NAALADL2: variants seen among roughly 807,000 people sequenced by gnomAD.
NAALADL2 encodes inactive N-acetylated-alpha-linked acidic dipeptidase-like protein 2.
A neutral mutation model predicts 87.2 loss-of-function variants in NAALADL2; 76 were observed. The ratio of observed to expected loss-of-function variants is 0.87; its 90% confidence interval spans 0.72 to 1.05. The LOEUF is 1.05. Among genes scored for constraint, NAALADL2 ranks in the 50% least tolerant of loss-of-function variants. The pLI, the probability that NAALADL2 is intolerant of heterozygous loss-of-function variation, is 0.00. For synonymous variants in NAALADL2, 354 were observed against 331.0 expected, an observed-to-expected ratio of 1.07 and a Z score of -0.75; for missense variants, 1,089 against 945.8, an observed-to-expected ratio of 1.15 and a Z score of -1.99.
Position 174,865,274 on chromosome 3 carries a change from G to T in NAALADL2, c.43+5824G>T, listed in dbSNP as rs138550535. 3.0e-3 allele frequency among the ~76,000 whole-genome samples: 457 copies of T among 152,140 alleles called. 3 individuals are homozygous for T. The highest frequency in any genetic ancestry group is 0.011 in the African/African-American group (438 of 41,552). On this transcript the variant is annotated intron_variant, in intron 1 of 13. Transcript: ENST00000454872. The stretch of plus-strand genomic sequence containing the variant: ...TGAAAAGTCAACTGCTAAATTTAAT[G>T]CAGTTTATAATGAACATGCAAAAGG...
At chr3:175,223,301 C>G (rs1242756120) in intron 2 of NAALADL2, among the ~76,000 whole-genome samples, 1 of 151,822 alleles carries the variant, frequency 6.6e-6, no homozygotes, top group Admixed American at 6.6e-5. Flanking sequence ...CCCCTACCTC[C>G]CGGCAACCAC....
chr3:174,604,441 G>T (rs1718775795), intron 2 of NAALADL2, among the ~76,000 whole-genome samples: 1 of 151,872 alleles, frequency 6.6e-6, no homozygotes, highest in South Asian at 2.1e-4. Flanking sequence ...TCTATTTTCA[G>T]TCTATATGTG....
chr3:174,867,171 A>G (rs1037417942), intron 1 of NAALADL2, among the ~76,000 whole-genome samples: 20 of 151,926 alleles, frequency 1.3e-4, no homozygotes, highest in African/African-American at 4.6e-4. Flanking sequence ...AAAAAGGGGA[A>G]AGAACTAGTA....
intron 13 of NAALADL2, among the ~76,000 whole-genome samples, chr3:175,775,343 C>T (rs1750082686): frequency 6.6e-6 from 1 of 151,972 alleles, no homozygotes; most frequent in Non-Finnish European, 1.5e-5. Context: ...GGAATATTTT[C>T]TTTATCCTTG....
chr3:175,757,935 T>A, intron 13 of NAALADL2, among the ~76,000 whole-genome samples: 1 of 152,194 alleles, frequency 6.6e-6, no homozygotes, highest in Middle Eastern at 3.4e-3. Flanking sequence ...ATTCAGAAAT[T>A]AATACAAATT....
At chr3:174,493,432 T>A (rs1718326936) in intron 1 of NAALADL2, among the ~76,000 whole-genome samples, 1 of 152,226 alleles carries the variant, frequency 6.6e-6, no homozygotes, top group Non-Finnish European at 1.5e-5. Context: ...TAAATGCTCA[T>A]GTTATTTCTG....
chr3:175,052,386 G>T (rs1274725776), intron 1 of NAALADL2, among the ~76,000 whole-genome samples: 1 of 152,094 alleles, frequency 6.6e-6, no homozygotes, highest in Admixed American at 6.6e-5. Context: ...TTTGTGGGGG[G>T]GCCTGTTTCC....
intron 1 of NAALADL2, among the ~76,000 whole-genome samples, chr3:175,030,957 C>G (rs905980920): frequency 5.9e-5 from 9 of 151,732 alleles, no homozygotes; most frequent in Admixed American, 4.6e-4. Context: ...AACCCTGCAC[C>G]CTGCAAGCCA....
chr3:175,723,565 G>A (rs866164841), intron 11 of NAALADL2, among the ~76,000 whole-genome samples: 1 of 152,000 alleles, frequency 6.6e-6, no homozygotes, highest in Admixed American at 6.6e-5. Flanking sequence ...CTTGACTTTG[G>A]CATATTATGT....
At chr3:175,166,166 A>G (rs1393419817) in intron 2 of NAALADL2, among the ~76,000 whole-genome samples, 1 of 151,968 alleles carries the variant, frequency 6.6e-6, no homozygotes, top group African/African-American at 2.4e-5. Context: ...CTTCAGAATC[A>G]TGCCTTAGAA....
At chr3:174,803,413 C>T (rs1280178701) in intron 3 of NAALADL2, among the ~76,000 whole-genome samples, 1 of 152,106 alleles carries the variant, frequency 6.6e-6, no homozygotes, top group Non-Finnish European at 1.5e-5. Context: ...GATTTTCTCC[C>T]ATTCTGTAGG....
At chr3:175,410,956 T>C (rs1289416803) in intron 5 of NAALADL2, among the ~76,000 whole-genome samples, 6 of 152,174 alleles carry the variant, frequency 3.9e-5, no homozygotes, top group Admixed American at 3.9e-4. Context: ...TAAGAAGCCA[T>C]TGAAATGTTA....
chr3:174,740,165 C>A (rs1009880186), intron 3 of NAALADL2, among the ~76,000 whole-genome samples: 3 of 151,806 alleles, frequency 2.0e-5, no homozygotes, highest in African/African-American at 4.8e-5. Flanking sequence ...AGCAACAAAC[C>A]TAATTTTTTA....
At chr3:175,573,932 C>G (rs1718479214) in intron 9 of NAALADL2, among the ~76,000 whole-genome samples, 1 of 152,122 alleles carries the variant, frequency 6.6e-6, no homozygotes, top group East Asian at 1.9e-4. Context: ...TAGTTGTAAA[C>G]ACATTAAGCA....
intron 3 of NAALADL2, among the ~76,000 whole-genome samples, chr3:174,744,003 G>A (rs1169268463): frequency 6.6e-6 from 1 of 151,976 alleles, no homozygotes; most frequent in East Asian, 1.9e-4. Context: ...TCTTTGGTCA[G>A]AAGTTTATAC....
At chr3:175,003,663 C>CA (rs2108772122) in intron 1 of NAALADL2, among the ~76,000 whole-genome samples, 1 of 152,256 alleles carries the variant, frequency 6.6e-6, no homozygotes, top group African/African-American at 2.4e-5. Context: ...CAGAGTCCTT[C>CA]AGTAAACTGG....
chr3:174,684,174 TA>T (rs1727823357), intron 2 of NAALADL2, among the ~76,000 whole-genome samples: 1 of 152,074 alleles, frequency 6.6e-6, no homozygotes, highest in Non-Finnish European at 1.5e-5. Context: ...TCTAAAAATT[TA>T]AAATAGTATT....
chr3:174,813,863 ATATT>A (rs892658256), intron 3 of NAALADL2, among the ~76,000 whole-genome samples: 9 of 152,094 alleles, frequency 5.9e-5, no homozygotes, highest in African/African-American at 2.2e-4. Flanking sequence ...GAAATAATAA[ATATT>A]TAAGATCTCA....
chr3:175,758,459 C>T (rs1459486730), intron 13 of NAALADL2, among the ~76,000 whole-genome samples: 1 of 151,748 alleles, frequency 6.6e-6, no homozygotes, highest in Non-Finnish European at 1.5e-5. Context: ...AGATTAGCTT[C>T]GTTTAGACGT....
Sources: gnomAD v4.1 joint callset for allele counts (sites outside exome capture counted in the v4.1 genomes callset) on GRCh38, gnomAD v4.1.1 for gene constraint, MANE v1.5 for transcripts, NCBI Gene and HGNC (gene_info 2026-07-23, HGNC 2026-07-21) for gene names.